Variants in MROH1 observed in about 807,000 individuals in gnomAD.
The protein encoded by MROH1 is maestro heat-like repeat-containing protein family member 1.
In MROH1, 117 loss-of-function variants were observed where a neutral mutation model predicts 116.5. That is an observed-to-expected ratio of 1.00 (90% CI 0.86 to 1.17). The LOEUF (loss-of-function observed/expected upper bound fraction) is 1.17. MROH1 is among the 50% of genes most tolerant of loss of function. MROH1 has a pLI of 0.00. For synonymous variants in MROH1, 921 were observed against 583.9 expected, an observed-to-expected ratio of 1.58 and a Z score of -8.32; for missense variants, 1,873 against 1,338.5, an observed-to-expected ratio of 1.40 and a Z score of -6.23.
intron 14 of MROH1, among the ~76,000 whole-genome samples, chr8:144,234,498 GTTTTTTT>G (rs1165164431): frequency 5.0e-4 from 9 of 18,098 alleles, no homozygotes; most frequent in Admixed American, 2.5e-3. Flanking sequence ...TTTCTTTTTC[GTTTTTTT>G]TTTTTTTTTT....
intron 3 of MROH1, among the ~76,000 whole-genome samples, chr8:144,166,686 C>T (rs143080383): frequency 4.6e-5 from 7 of 151,364 alleles, no homozygotes; most frequent in Non-Finnish European, 7.4e-5. Context: ...TGGTGAGAAG[C>T]GTCTGTGAGT....
At position 144,239,749 on chromosome 8, in the gene MROH1, C is replaced by T. The variant is rs1210606406; in HGVS notation, c.1768C>T (p.Leu590=). ...ETTVPLLLGY[L]DEHTEETLPQ... is the part of the protein sequence containing the mutation. Reference sequence around the variant, plus strand: ...GACTGTCCCGCTGCTGCTGGGGTACCTGGATGGTGAGGCCAGGGTCAGGAT... The same window carrying T: ...GACTGTCCCGCTGCTGCTGGGGTACTTGGATGGTGAGGCCAGGGTCAGGAT... Residue 590 remains leucine, a synonymous_variant, in exon 18 of 44, where the codon CTG becomes TTG. Coordinates refer to ENST00000326134, the MANE Select transcript of MROH1 (RefSeq NM_032450.3). The T allele has an allele frequency of 2.8e-6, 2 of 717,760 alleles. No homozygotes were observed. The highest frequency in any genetic ancestry group is 5.2e-6 in the Non-Finnish European group (2 of 385,288). The allele number at this position is 717,760 out of a possible 1,614,324, so 44.5% of individuals were successfully genotyped here.
At chr8:144,183,132 C>G (rs1453375973) in intron 7 of MROH1, among the ~76,000 whole-genome samples, 1 of 152,046 alleles carries the variant, frequency 6.6e-6, no homozygotes, top group Non-Finnish European at 1.5e-5. Context: ...AATCCCAGTA[C>G]TTTGGGAGGC....
chr8:144,246,101 T>C (rs1242090699), intron 29 of MROH1, among the ~76,000 whole-genome samples: 4 of 133,928 alleles, frequency 3.0e-5, no homozygotes, highest in Non-Finnish European at 6.4e-5. Flanking sequence ...TTTCCTTCCT[T>C]CCTTTCTTTC....
Position 144,259,261 on chromosome 8 carries a change from G to A in MROH1, c.3951G>A (p.Gly1317=), listed in dbSNP as rs1373696544. Reference sequence around the variant, plus strand: ...CCAGGGCCATGGCTGAGCACGCAGGGCCCCGACTCCCCCTGGTGCTGAAGA... The same window carrying A: ...CCAGGGCCATGGCTGAGCACGCAGGACCCCGACTCCCCCTGGTGCTGAAGA... ...RLARAMAEHA[G]PRLPLVLKTL... is the part of the protein sequence containing the mutation. Residue 1317 remains glycine, a synonymous_variant, in exon 37 of 44, where the codon GGG becomes GGA. Coordinates refer to ENST00000326134, the MANE Select transcript of MROH1 (RefSeq NM_032450.3). 7.0e-6 allele frequency: 5 copies of A among 714,310 alleles called. No individual in the cohort carries two copies. The highest frequency in any genetic ancestry group is 6.0e-5 in the Admixed American group (3 of 49,986). The allele number at this position is 714,310 out of a possible 1,614,324, so 44.2% of individuals were successfully genotyped here. A position where few individuals can be genotyped will look rare whatever the true frequency, so the allele number is the denominator to read the frequency against.
chr8:144,191,018 G>A, intron 8 of MROH1, 83 bp downstream of exon 8: 1 of 1,472,840 alleles, frequency 6.8e-7, no homozygotes, highest in Non-Finnish European at 9.1e-7. Flanking sequence ...AAATTGATCA[G>A]AGGGTGGTGG....
Position 144,241,433 on chromosome 8 carries a change from C to A in MROH1, c.2094C>A (p.His698Gln), listed in dbSNP as rs1285931614. The A allele has an allele frequency of 5.1e-6, 4 of 778,544 alleles. No homozygotes were observed. The highest frequency in any genetic ancestry group is 3.4e-5 in the Admixed American group (2 of 59,006). 48.2% of individuals were successfully genotyped at this position (778,544 alleles called of 1,614,324 possible). Residue 698 changes from histidine to glutamine, a missense_variant, in exon 22 of 44, where the codon CAC (histidine) becomes CAA (glutamine). His to Gln is a conservative substitution (Grantham distance 24, BLOSUM62 0). Transcript: ENST00000326134. ...GCTTCGGGATCTGTGCCATCTCCCA[C>A]CTCGAGGACACGCTGGCCCAGCTGG... ...ACCFGICAIS[H>Q]LEDTLAQLED...
In MROH1 at chr8:144,238,783, G is replaced by A; in HGVS notation, c.1366G>A (p.Asp456Asn). ...EPEKPGPGSK[D>N]PKADSVRAIS... ...TGAGAAGCCAGGCCCCGGCAGCAAG[G>A]ACCCCAAGGCCGACAGCGTGCGGGC... is the stretch of plus-strand genomic sequence containing the variant. Residue 456 changes from aspartate (D) to asparagine (N), a missense_variant, in exon 15 of 44, where the codon GAC becomes AAC. Transcript: ENST00000326134. 1.3e-6 allele frequency: 1 copy of A among 774,072 alleles called. No homozygotes were observed. The highest frequency in any genetic ancestry group is 2.4e-6 in the Non-Finnish European group (1 of 417,682). The allele number at this position is 774,072 out of a possible 1,614,324, so 48.0% of individuals were successfully genotyped here.
At chr8:144,208,019 C>T (rs369935430) in intron 12 of MROH1, among the ~76,000 whole-genome samples, 3 of 150,726 alleles carry the variant, frequency 2.0e-5, no homozygotes, top group East Asian at 3.9e-4. Context: ...GATCTCAGCT[C>T]GCTGAAGCCT....
intron 13 of MROH1, 21 bp downstream of exon 13, chr8:144,220,694 C>T (rs774762481): frequency 5.8e-6 from 9 of 1,556,900 alleles, no homozygotes; most frequent in East Asian, 2.4e-5. Context: ...TGGGCCAGCC[C>T]AGGCTGCACC....
chr8:144,247,472 G>A lies in MROH1; in HGVS notation c.3007+36G>A, dbSNP rs1054218605. 64 of 765,660 alleles carry A rather than the reference G, an allele frequency of 8.4e-5. 1 individual carries two copies. Among genetic ancestry groups the A allele is most frequent in the South Asian group, 7.8e-4 (56 of 72,056 alleles). The allele number at this position is 765,660 out of a possible 1,614,324, so 47.4% of individuals were successfully genotyped here. On this transcript the variant is annotated intron_variant, in intron 30 of 43. Coordinates refer to ENST00000326134, the MANE Select transcript of MROH1 (RefSeq NM_032450.3). ...GTCAGGAGTGTGGGGGCCAGTGGTC[G>A]TGCAGGGGTGCTTGGAGGGATGAGG...
Position 144,248,918 on chromosome 8 carries a change from CT to C in MROH1, c.3164del (p.Leu1055CysfsTer2). 2.6e-6 allele frequency: 2 copies of C among 777,752 alleles called. No homozygotes were observed. Among genetic ancestry groups the C allele is most frequent in the Non-Finnish European group, 4.8e-6 (2 of 416,640 alleles). 48.2% of individuals were successfully genotyped at this position (777,752 alleles called of 1,614,324 possible). A position where few individuals can be genotyped will look rare whatever the true frequency, so the allele number is the denominator to read the frequency against. On this transcript the variant is annotated frameshift_variant, in exon 32 of 44. Coordinates refer to ENST00000326134, the MANE Select transcript of MROH1 (RefSeq NM_032450.3). LOFTEE classifies it high-confidence loss of function. ...TCCCCCCAGACCAGCTCATCAGCCT[CT>C]TGCTAACCATGTTTGAGGCCCTGGG... ...RLPPDQLISL[L>X]LTMFEALGDP...
intron 12 of MROH1, among the ~76,000 whole-genome samples, chr8:144,217,841 A>G (rs1835603508): frequency 6.6e-6 from 1 of 152,150 alleles, no homozygotes; most frequent in South Asian, 2.1e-4. Context: ...TTTATCCAGT[A>G]GGGCATTGTC....
Position 144,239,773 on chromosome 8 carries a change from A to G in MROH1, c.1774+18A>G. 1.4e-6 allele frequency: 1 copy of G among 716,878 alleles called. No individual in the cohort carries two copies. The highest frequency in any genetic ancestry group is 2.6e-6 in the Non-Finnish European group (1 of 384,912). The allele number at this position is 716,878 out of a possible 1,614,324, so 44.4% of individuals were successfully genotyped here. Reference sequence around the variant, plus strand: ...CCTGGATGGTGAGGCCAGGGTCAGGATGGGGTGCATAGCCCTGTGGGGAGG... The same window carrying G: ...CCTGGATGGTGAGGCCAGGGTCAGGGTGGGGTGCATAGCCCTGTGGGGAGG... On this transcript the variant is annotated intron_variant, in intron 18 of 43. Transcript: ENST00000326134.
Position 144,240,647 on chromosome 8 carries a change from G to A in MROH1, c.1905G>A (p.Leu635=). 1 of 717,420 alleles carries A rather than the reference G, an allele frequency of 1.4e-6. No homozygotes were observed. Among genetic ancestry groups the A allele is most frequent in the Non-Finnish European group, 2.6e-6 (1 of 384,968 alleles). The allele number at this position is 717,420 out of a possible 1,614,324, so 44.4% of individuals were successfully genotyped here. The part of the protein sequence containing the change: ...CQLSLELCRQ[L]PCYDEAPQEK... ...TGAGCCTGGAGCTGTGCAGGCAGCT[G>A]CCCTGCTACGATGAGGCACCCCAGG... is the stretch of plus-strand genomic sequence containing the variant. Residue 635 remains leucine (L), a synonymous_variant, in exon 20 of 44, where the codon CTG becomes CTA. Transcript: ENST00000326134.
intron 12 of MROH1, among the ~76,000 whole-genome samples, chr8:144,218,585 C>T (rs1383086043): frequency 6.6e-6 from 1 of 150,848 alleles, no homozygotes; most frequent in East Asian, 2.0e-4. Flanking sequence ...CCTTCCAGCT[C>T]AATTCATACT....
At chr8:144,221,538 G>A (rs935932511) in intron 13 of MROH1, among the ~76,000 whole-genome samples, 3 of 152,168 alleles carry the variant, frequency 2.0e-5, no homozygotes, top group Middle Eastern at 3.4e-3. Context: ...CAGCCTTTGT[G>A]CTGGGCCTCC....
Position 144,261,264 on chromosome 8 carries a change from C to G in MROH1, c.4775-20C>G. On this transcript the variant is annotated intron_variant, in intron 42 of 43. Coordinates refer to ENST00000326134, the MANE Select transcript of MROH1 (RefSeq NM_032450.3). ...CCCCCACGCCGCCCGGCAGCCCCGC[C>G]TGATGCCCCCACTTCACAGGGTTCC... The G allele has an allele frequency of 1.3e-6, 1 of 749,518 alleles. No individual in the cohort carries two copies. Among genetic ancestry groups the G allele is most frequent in the Non-Finnish European group, 2.4e-6 (1 of 411,376 alleles). The allele number at this position is 749,518 out of a possible 1,614,324, so 46.4% of individuals were successfully genotyped here.
intron 12 of MROH1, 40 bp from the exon 13 acceptor site, chr8:144,220,546 CCTTGAGGTCCTCAT>C: frequency 6.6e-7 from 1 of 1,511,652 alleles, no homozygotes; most frequent in Non-Finnish European, 9.0e-7. Flanking sequence ...GTGGAATGGA[CCTTGAGGTCCTCAT>C]CTCAGTGGTA....
Sources: allele counts gnomAD v4.1 joint callset (sites outside exome capture counted in the v4.1 genomes callset), GRCh38; gene constraint gnomAD v4.1.1; transcripts MANE v1.5; gene names NCBI Gene and HGNC (gene_info 2026-07-23, HGNC 2026-07-21).